The following ZNRF1 variants were observed in gnomAD, a reference collection of about 807,000 sequenced individuals.
ZNRF1 encodes E3 ubiquitin-protein ligase ZNRF1.
ZNRF1 carries 3 observed loss-of-function variants against 18.4 expected under a neutral mutation model. The ratio of observed to expected loss-of-function variants is 0.16; its 90% CI spans 0.07 to 0.42. ZNRF1 has a LOEUF of 0.42. Among genes scored for constraint, ZNRF1 ranks in the 10% least tolerant of loss-of-function variants. ZNRF1 has a pLI of 0.99. For missense variants in ZNRF1, 310 were observed against 329.8 expected, an observed-to-expected ratio of 0.94 and a Z score of 0.47; for synonymous variants, 157 against 144.2, an observed-to-expected ratio of 1.09 and a Z score of -0.64.
Position 75,106,410 on chromosome 16 carries a change from C to G in ZNRF1, c.627-72C>G, listed in dbSNP as rs557980995. 55 of 1,552,270 alleles carry G rather than the reference C, an allele frequency of 3.5e-5. 1 individual carries two copies. In the South Asian group the frequency reaches 6.0e-4, roughly 17 times the overall value. The stretch of plus-strand genomic sequence containing the variant: ...GAAGCTCCTGCTCAGGAATCTGGCC[C>G]TCTGAAAGAGCCCCTTCAAAGCAGC... On this transcript the variant is annotated intron_variant, in intron 3 of 4. Transcript: ENST00000335325.
chr16:75,024,979 T>G, intron 1 of ZNRF1, among the ~76,000 whole-genome samples: 1 of 152,240 alleles, frequency 6.6e-6, no homozygotes, highest in Non-Finnish European at 1.5e-5. Context: ...TATGCTTGTT[T>G]CACAACTTCT....
At chr16:75,020,340 C>T (rs754474713) in intron 1 of ZNRF1, among the ~76,000 whole-genome samples, 1 of 151,690 alleles carries the variant, frequency 6.6e-6, no homozygotes, top group Non-Finnish European at 1.5e-5. Flanking sequence ...TTTTTTCCAG[C>T]CTATTTTGAG....
chr16:75,060,813 T>G (rs1159962892), intron 1 of ZNRF1, among the ~76,000 whole-genome samples: 1 of 152,062 alleles, frequency 6.6e-6, no homozygotes, highest in Non-Finnish European at 1.5e-5. Flanking sequence ...GCAGCTTTGA[T>G]TTTGATGGTA....
rs1314955609 is a variant in ZNRF1 at position 75,042,381 on chromosome 16, T to G, written c.424+42286T>G. 2.0e-5 allele frequency among the ~76,000 whole-genome samples: 3 copies of G among 152,048 alleles called. No individual in the cohort carries two copies. In the East Asian group the frequency reaches 5.8e-4, roughly 29 times the overall value. ...TTTATAGTTTTAGCTCTTACATATG[T>G]CTGTGTTCCATTTTGAGTTAATTTT... is the stretch of plus-strand genomic sequence containing the variant. On this transcript the variant is annotated intron_variant, in intron 1 of 4. Transcript: ENST00000335325.
At chr16:75,051,932 G>C (rs2145375427) in intron 1 of ZNRF1, among the ~76,000 whole-genome samples, 1 of 151,976 alleles carries the variant, frequency 6.6e-6, no homozygotes. Context: ...ATAGACATCT[G>C]TATACTTATC....
At chr16:75,035,128 C>T (rs191537068) in intron 1 of ZNRF1, among the ~76,000 whole-genome samples, 1 of 150,286 alleles carries the variant, frequency 6.7e-6, no homozygotes, top group African/African-American at 2.5e-5. Context: ...CTCCACCCCC[C>T]CTCCCCAGGT....
At chr16:75,104,620 A>G (rs935710795) in intron 2 of ZNRF1, 164 bp from the exon 3 acceptor site, 2 of 552,208 alleles carry the variant, frequency 3.6e-6, no homozygotes, top group Admixed American at 3.3e-5. Flanking sequence ...CTCCACGGTG[A>G]AAGTCTTAAG....
chr16:75,064,898 C>T (rs2035783697), intron 1 of ZNRF1, among the ~76,000 whole-genome samples: 1 of 152,210 alleles, frequency 6.6e-6, no homozygotes, highest in South Asian at 2.1e-4. Context: ...CCTCCTGCTC[C>T]CTCAGCAGTG....
At chr16:75,030,840 T>TC (rs2035292618) in intron 1 of ZNRF1, among the ~76,000 whole-genome samples, 1 of 141,474 alleles carries the variant, frequency 7.1e-6, no homozygotes, top group African/African-American at 2.6e-5. Flanking sequence ...TTCCTTTTTT[T>TC]TTTTTTTTTT....
Position 75,006,605 on chromosome 16 carries a change from T to A in ZNRF1, c.424+6510T>A, listed in dbSNP as rs1037888044. 4.9e-4 allele frequency among the ~76,000 whole-genome samples: 74 copies of A among 152,090 alleles called. 1 individual carries two copies. Among genetic ancestry groups the A allele is most frequent in the Non-Finnish European group, 3.4e-4 (23 of 67,956 alleles). ...CATGCACCACCACGCCTGACTAGTT[T>A]TTGTATTTTTAGTAGAGACAGGGTT... On this transcript the variant is annotated intron_variant, in intron 1 of 4. Transcript: ENST00000335325.
At chr16:75,051,776 G>A (rs1416177196) in intron 1 of ZNRF1, among the ~76,000 whole-genome samples, 2 of 151,766 alleles carry the variant, frequency 1.3e-5, no homozygotes, top group Non-Finnish European at 2.9e-5. Flanking sequence ...TCAGCTTCCC[G>A]AAGTGCTGTG....
At position 75,001,079 on chromosome 16, in the gene ZNRF1, G is replaced by A. The variant is rs559676627; in HGVS notation, c.424+984G>A. On this transcript the variant is annotated intron_variant, in intron 1 of 4. Coordinates refer to ENST00000335325, the MANE Select transcript of ZNRF1 (RefSeq NM_032268.5). The stretch of plus-strand genomic sequence containing the variant: ...CTAGAAAATTGGCCAAAAGGGATGT[G>A]GGGGCCGCTATTTGCTAATTGGCAA... Among the ~76,000 whole-genome samples the A allele has an allele frequency of 4.6e-5, 7 of 152,256 alleles. No homozygotes were observed. The South Asian group carries it at 1.2e-3, about 27-fold the overall frequency.
intron 1 of ZNRF1, among the ~76,000 whole-genome samples, chr16:75,050,870 C>CAA (rs1165011147): frequency 0.049 from 451 of 9,220 alleles, 104 homozygotes; most frequent in Non-Finnish European, 0.085. Context: ...GACTCCGTCT[C>CAA]AAAAAAAAAA....
intron 1 of ZNRF1, among the ~76,000 whole-genome samples, chr16:75,042,975 G>A (rs9928828): frequency 0.1 from 15,417 of 152,186 alleles, 1,622 homozygotes; most frequent in African/African-American, 0.25. Context: ...GCTCCGGGAC[G>A]GTAAAGATGA....
chr16:75,106,366 C>T lies in ZNRF1; in HGVS notation c.627-116C>T, dbSNP rs1158489696. The T allele has an allele frequency of 5.0e-6, 5 of 993,816 alleles. No individual in the cohort carries two copies. The African/African-American group carries it at 8.0e-5, about 16-fold the overall frequency. The allele number at this position is 993,816 out of a possible 1,614,324, so 61.6% of individuals were successfully genotyped here. A position where few individuals can be genotyped will look rare whatever the true frequency, so the allele number is the denominator to read the frequency against. ...GGACATGACTGTGTTTCCCTGGGGTCCTTTCAGAAGAGACTTAGGAAGCTC... is the reference window on the plus strand; with the variant it reads ...GGACATGACTGTGTTTCCCTGGGGTTCTTTCAGAAGAGACTTAGGAAGCTC... On this transcript the variant is annotated intron_variant, in intron 3 of 4. Coordinates refer to ENST00000335325, the MANE Select transcript of ZNRF1 (RefSeq NM_032268.5).
In ZNRF1 at chr16:74,999,250, C is replaced by A. The variant is rs1343478851; in HGVS notation, c.-422C>A. The A allele has an allele frequency of 6.8e-6, 1 of 145,992 alleles. No homozygotes were observed. Among genetic ancestry groups the A allele is most frequent in the Admixed American group, 6.8e-5 (1 of 14,784 alleles). 9.0% of individuals were successfully genotyped at this position (145,992 alleles called of 1,614,324 possible). Reference sequence around the variant, plus strand: ...TGAGGCGGGGGACGCGCCCGGCGCCCCCGGCCCTCCTCCGCCTCCTCCCGC... The same window carrying A: ...TGAGGCGGGGGACGCGCCCGGCGCCACCGGCCCTCCTCCGCCTCCTCCCGC... On this transcript the variant is annotated 5_prime_UTR_variant, in exon 1 of 5. Transcript: ENST00000335325.
intron 3 of ZNRF1, chr16:75,105,263 C>T (rs531160760): frequency 5.9e-5 from 14 of 238,522 alleles, no homozygotes; most frequent in African/African-American, 2.7e-4. Flanking sequence ...AGGGGTAGAA[C>T]ATCAATCTGT....
chr16:75,041,213 A>G (rs892952874), intron 1 of ZNRF1, among the ~76,000 whole-genome samples: 12 of 152,182 alleles, frequency 7.9e-5, no homozygotes, highest in Non-Finnish European at 8.8e-5. Context: ...TTCATGGGCA[A>G]TGGTTGAGAG....
intron 1 of ZNRF1, among the ~76,000 whole-genome samples, chr16:75,024,284 G>A (rs888949681): frequency 2.0e-5 from 3 of 152,188 alleles, no homozygotes; most frequent in Non-Finnish European, 4.4e-5. Flanking sequence ...GAGGCTCGGA[G>A]TTTACTGTTA....
Sources: gnomAD v4.1 joint callset for allele counts (sites outside exome capture counted in the v4.1 genomes callset) on GRCh38, gnomAD v4.1.1 for gene constraint, MANE v1.5 for transcripts, NCBI Gene and HGNC (gene_info 2026-07-23, HGNC 2026-07-21) for gene names.